FRMPD4: variants seen among roughly 807,000 people sequenced by gnomAD.
FRMPD4 encodes FERM and PDZ domain-containing protein 4.
Under a neutral mutation model 94.1 loss-of-function variants are expected in FRMPD4, and 22 were observed. That is an observed-to-expected ratio of 0.23 (90% confidence interval 0.17 to 0.33). The LOEUF (loss-of-function observed/expected upper bound fraction) is 0.33, where lower values mean the gene tolerates loss of function less well. FRMPD4 is among the 10% of genes least tolerant of loss of function. FRMPD4 has a pLI of 1.00. For synonymous variants in FRMPD4, 631 were observed against 548.6 expected, an observed-to-expected ratio of 1.15 and a Z score of -2.10; for missense variants, 1,111 against 1,339.9, an observed-to-expected ratio of 0.83 and a Z score of 2.67.
In FRMPD4 at chrX:11,926,258, C is replaced by CAAA. The variant is rs763084115; in HGVS notation, c.95+48262_95+48264dup. On this transcript the variant is annotated intron_variant, in intron 3 of 18. Transcript: ENST00000640291. ...AGGTAATAATAAAAAGCTTACCAAC[C>CAAA]AAAAAAAAAAAAAAAAAAAAAAAAG... Among the ~76,000 whole-genome samples, 21 of 30,696 alleles carry CAAA rather than the reference C, an allele frequency of 6.8e-4. 1 individual carries two copies. Among genetic ancestry groups the CAAA allele is most frequent in the African/African-American group, 2.5e-3 (16 of 6,414 alleles). 26.7% of individuals were successfully genotyped at this position (30,696 alleles called of 115,157 possible).
intron 2 of FRMPD4, among the ~76,000 whole-genome samples, chrX:12,515,636 T>C (rs2058088123): frequency 8.9e-6 from 1 of 112,236 alleles, no homozygotes; most frequent in African/African-American, 3.2e-5. Context: ...CTAAGTGCCA[T>C]GTGGCACTGA....
At chrX:12,665,244 C>T (rs2059763148) in intron 4 of FRMPD4, among the ~76,000 whole-genome samples, 1 of 111,340 alleles carries the variant, frequency 9.0e-6, no homozygotes, top group Admixed American at 9.5e-5. Flanking sequence ...AGATTGAGAC[C>T]ATCCTGGCTA....
intron 1 of FRMPD4, among the ~76,000 whole-genome samples, chrX:12,478,185 C>G (rs1173656911): frequency 8.9e-6 from 1 of 111,778 alleles, no homozygotes; most frequent in East Asian, 2.8e-4. Context: ...CCTTCTGCTC[C>G]CAGGAAGAAG....
intron 1 of FRMPD4, among the ~76,000 whole-genome samples, chrX:12,397,261 T>TA (rs2148047614): frequency 9.1e-6 from 1 of 110,372 alleles, no homozygotes; most frequent in African/African-American, 3.3e-5. Context: ...AAACTTTTTT[T>TA]TAAAAAAAAA....
intron 3 of FRMPD4, among the ~76,000 whole-genome samples, chrX:12,123,138 T>G (rs1157104352): frequency 3.2e-4 from 32 of 98,641 alleles, no homozygotes; most frequent in East Asian, 1.3e-3. Context: ...TTTTTTTTTT[T>G]TTTGTTTGTT....
At chrX:12,291,692 G>T (rs1349032046) in intron 1 of FRMPD4, among the ~76,000 whole-genome samples, 4 of 111,529 alleles carry the variant, frequency 3.6e-5, no homozygotes, top group Non-Finnish European at 7.5e-5. Context: ...GGATCACATT[G>T]CAAAGCCTCT....
At chrX:11,851,082 C>G (rs1254135372) in intron 1 of FRMPD4, among the ~76,000 whole-genome samples, 1 of 111,840 alleles carries the variant, frequency 8.9e-6, no homozygotes, top group Non-Finnish European at 1.9e-5. Flanking sequence ...ACTGCATGAA[C>G]AGAACTGGCA....
At chrX:12,075,159 A>T (rs1157647757) in intron 3 of FRMPD4, among the ~76,000 whole-genome samples, 2 of 112,302 alleles carry the variant, frequency 1.8e-5, no homozygotes, top group East Asian at 5.6e-4. Context: ...GGGCAGTGAA[A>T]CTACTCTATA....
rs144874203 is a variant in FRMPD4, at chrX:12,236,735, G to A, written c.41+97723G>A. Among the ~76,000 whole-genome samples the A allele has an allele frequency of 4.0e-4, 45 of 111,892 alleles. No homozygotes were observed. In the East Asian group the frequency reaches 0.011, roughly 26 times the overall value. On this transcript the variant is annotated intron_variant, in intron 1 of 16. Coordinates refer to ENST00000675598, the MANE Select transcript of FRMPD4 (RefSeq NM_001368397.1). The stretch of plus-strand genomic sequence containing the variant: ...CTGAAGGCCAATTCTTATCTTGTTC[G>A]TGACTTAGGAAATACTGGGTTCTGT...
At chrX:12,588,201 G>A (rs2058950065) in intron 2 of FRMPD4, among the ~76,000 whole-genome samples, 1 of 111,802 alleles carries the variant, frequency 8.9e-6, no homozygotes, top group African/African-American at 3.3e-5. Context: ...ATGTTGGCCA[G>A]GCTGGTCTCG....
intron 1 of FRMPD4, among the ~76,000 whole-genome samples, chrX:12,353,169 C>T (rs1445851318): frequency 9.0e-6 from 1 of 111,598 alleles, no homozygotes; most frequent in Non-Finnish European, 1.9e-5. Flanking sequence ...ACAGGGAAGA[C>T]TCTGAACCTA....
chrX:11,894,350 A>G (rs1340552690), intron 3 of FRMPD4, among the ~76,000 whole-genome samples: 2 of 112,671 alleles, frequency 1.8e-5, no homozygotes, highest in African/African-American at 6.5e-5. Context: ...CCAAGATCAC[A>G]TGATCAGTGA....
At chrX:11,931,415 C>T (rs1231549258) in intron 3 of FRMPD4, among the ~76,000 whole-genome samples, 1 of 112,110 alleles carries the variant, frequency 8.9e-6, no homozygotes, top group Non-Finnish European at 1.9e-5. Context: ...CTAGAGTCAT[C>T]TGGAGGTTCA....
intron 2 of FRMPD4, among the ~76,000 whole-genome samples, chrX:12,571,884 A>C (rs1019541490): frequency 1.8e-5 from 2 of 112,622 alleles, no homozygotes; most frequent in Non-Finnish European, 3.8e-5. Context: ...TGTGGTCAGC[A>C]GCTAACAGTA....
At chrX:11,907,824 T>C (rs1485817850) in intron 3 of FRMPD4, among the ~76,000 whole-genome samples, 3 of 111,718 alleles carry the variant, frequency 2.7e-5, no homozygotes, top group Non-Finnish European at 5.7e-5. Context: ...CACCTTTTTT[T>C]CCCCTGGGTT....
intron 1 of FRMPD4, among the ~76,000 whole-genome samples, chrX:12,413,677 G>A (rs2056763603): frequency 8.9e-6 from 1 of 111,771 alleles, no homozygotes; most frequent in Admixed American, 9.5e-5. Context: ...AAACAAGAAT[G>A]TCAGGTCCAA....
chrX:12,373,033 C>T (rs772715265), intron 1 of FRMPD4: 37 of 112,368 alleles, frequency 3.3e-4, no homozygotes, highest in African/African-American at 1.1e-3. Flanking sequence ...GACTTCTCTC[C>T]TCTTGCCGCC....
At chrX:12,480,053 G>A (rs781135886) in intron 1 of FRMPD4, among the ~76,000 whole-genome samples, 30 of 110,527 alleles carry the variant, frequency 2.7e-4, no homozygotes, top group African/African-American at 8.9e-4. Context: ...GAAATTTTCC[G>A]AGGGTGAGAG....
intron 2 of FRMPD4, among the ~76,000 whole-genome samples, chrX:11,868,452 A>G (rs745441193): frequency 2.1e-4 from 23 of 111,910 alleles, no homozygotes; most frequent in African/African-American, 7.1e-4. Flanking sequence ...ACACAAACCT[A>G]AAAATGCTGA....
Sources: gnomAD v4.1 joint callset for allele counts (sites outside exome capture counted in the v4.1 genomes callset) on GRCh38, gnomAD v4.1.1 for gene constraint, MANE v1.5 for transcripts, NCBI Gene and HGNC (gene_info 2026-07-23, HGNC 2026-07-21) for gene names.